Variants in SMPD3 observed in about 807,000 individuals in gnomAD.
SMPD3 encodes nSMase-2.
SMPD3 carries 21 observed loss-of-function variants against 55.7 expected under a neutral mutation model. The ratio of observed to expected loss-of-function variants is 0.38; its 90% confidence interval spans 0.27 to 0.54. SMPD3 has a LOEUF of 0.54. Ranked by LOEUF, SMPD3 falls within the 20% of genes least tolerant of loss-of-function variation. The probability of loss-of-function intolerance (pLI) is 0.80; values close to 1 mark genes in which losing one functional copy is unlikely to be tolerated. For missense variants in SMPD3, 842 were observed against 899.6 expected, an observed-to-expected ratio of 0.94 and a Z score of 0.82; for synonymous variants, 457 against 404.3, an observed-to-expected ratio of 1.13 and a Z score of -1.56.
intron 1 of SMPD3, among the ~76,000 whole-genome samples, chr16:68,442,880 G>A (rs1374367054): frequency 1.3e-5 from 2 of 152,208 alleles, no homozygotes; most frequent in Non-Finnish European, 2.9e-5. Context: ...GCGCCCTCGG[G>A]AAAAGCAGTA....
chr16:68,441,050 T>C (rs1360856361), intron 1 of SMPD3, among the ~76,000 whole-genome samples: 1 of 152,234 alleles, frequency 6.6e-6, no homozygotes, highest in African/African-American at 2.4e-5. Context: ...ATAAATCTTT[T>C]GCTTGATTTA....
chr16:68,405,667 T>C (rs2090249406), intron 1 of SMPD3, among the ~76,000 whole-genome samples: 1 of 152,034 alleles, frequency 6.6e-6, no homozygotes, highest in African/African-American at 2.4e-5. Context: ...AAATAGTGAC[T>C]TCTCGGTGTA....
chr16:68,423,560 C>T (rs1035000723), intron 1 of SMPD3, among the ~76,000 whole-genome samples: 8 of 152,166 alleles, frequency 5.3e-5, no homozygotes. Context: ...ACTTCCCAGC[C>T]TCCAGAACTG....
intron 2 of SMPD3, among the ~76,000 whole-genome samples, chr16:68,377,594 G>C (rs560253374): frequency 2.0e-5 from 3 of 152,300 alleles, no homozygotes; most frequent in South Asian, 2.1e-4. Context: ...GAGGGCTCAG[G>C]GGGCAGCTGA....
At chr16:68,438,155 C>T (rs1299891498) in intron 1 of SMPD3, among the ~76,000 whole-genome samples, 1 of 152,162 alleles carries the variant, frequency 6.6e-6, no homozygotes, top group Non-Finnish European at 1.5e-5. Flanking sequence ...CTTCTGCCTC[C>T]TCCCTCACAG....
Position 68,360,225 on chromosome 16 carries a change from G to A in SMPD3, c.*981C>T, listed in dbSNP as rs1025116881. ...TCCCGAACCAGAGAGGTGTCCCGTG[G>A]GGGAGAGGATTGGCAGAAAGAAGAG... is the stretch of plus-strand genomic sequence containing the variant. On this transcript the variant is annotated 3_prime_UTR_variant, in exon 9 of 9. Transcript: ENST00000219334. 6.6e-6 allele frequency: 1 copy of A among 152,546 alleles called. No homozygotes were observed. Among genetic ancestry groups the A allele is most frequent in the Non-Finnish European group, 1.5e-5 (1 of 68,068 alleles). The allele number at this position is 152,546 out of a possible 1,614,324, so 9.4% of individuals were successfully genotyped here. A position where few individuals can be genotyped will look rare whatever the true frequency, so the allele number is the denominator to read the frequency against.
At chr16:68,415,195 T>C (rs1411979845) in intron 1 of SMPD3, among the ~76,000 whole-genome samples, 1 of 151,954 alleles carries the variant, frequency 6.6e-6, no homozygotes, top group East Asian at 1.9e-4. Flanking sequence ...TAAAATCCCA[T>C]GGGGAGAGTT....
intron 1 of SMPD3, among the ~76,000 whole-genome samples, chr16:68,416,178 G>A (rs868121343): frequency 2.6e-5 from 4 of 152,216 alleles, no homozygotes; most frequent in African/African-American, 4.8e-5. Flanking sequence ...CACTGTGCCC[G>A]TAATCAGGTG....
chr16:68,363,970 C>T, intron 5 of SMPD3, 104 bp from the exon 6 acceptor site: 2 of 1,092,132 alleles, frequency 1.8e-6, no homozygotes, highest in Non-Finnish European at 2.6e-6. Context: ...CTGCCAGGCC[C>T]CCATCCCTTA....
chr16:68,379,211 G>A (rs761272538), intron 2 of SMPD3, among the ~76,000 whole-genome samples: 2 of 152,232 alleles, frequency 1.3e-5, no homozygotes, highest in Non-Finnish European at 2.9e-5. Flanking sequence ...AGAACCTGGT[G>A]CCTCTGGCCT....
At position 68,371,935 on chromosome 16, in the gene SMPD3, G is replaced by T. The variant is rs745785059; in HGVS notation, c.247C>A (p.Leu83Ile). 1.4e-5 allele frequency: 23 copies of T among 1,611,734 alleles called. No homozygotes were observed. The highest frequency in any genetic ancestry group is 1.9e-5 in the Non-Finnish European group (23 of 1,179,654). ...GCCGACTGCAGTGGGGACCAGAAGA[G>T]AAAGCCGAGAAACGCAAAGGGCAGC... Reference protein sequence around the residue: ...ASLPFAFLGFLFWSPLQSARR... With the variant: ...ASLPFAFLGFIFWSPLQSARR... Residue 83 changes from leucine (L) to isoleucine (I), a missense_variant, in exon 3 of 9, where the codon CTC becomes ATC. Around this residue, in one of 2 missense-constraint regions of SMPD3, gnomAD observed 193 missense variants for 256.0 expected, o/e 0.75. Coordinates refer to ENST00000219334, the MANE Select transcript of SMPD3 (RefSeq NM_018667.4).
intron 7 of SMPD3, 52 bp downstream of exon 7, chr16:68,363,444 T>C: frequency 6.2e-7 from 1 of 1,604,342 alleles, no homozygotes; most frequent in Admixed American, 1.7e-5. Flanking sequence ...AGTCCCTGTC[T>C]CCACCTTAGT....
At chr16:68,428,243 G>A (rs2090452385) in intron 1 of SMPD3, among the ~76,000 whole-genome samples, 1 of 152,180 alleles carries the variant, frequency 6.6e-6, no homozygotes, top group South Asian at 2.1e-4. Context: ...AGAAGATATG[G>A]CCATGGTAAA....
chr16:68,434,679 G>T (rs2090507607), intron 1 of SMPD3, among the ~76,000 whole-genome samples: 1 of 152,048 alleles, frequency 6.6e-6, no homozygotes, highest in Non-Finnish European at 1.5e-5. Context: ...TCTGACTTTT[G>T]AGCCATAGCT....
intron 1 of SMPD3, among the ~76,000 whole-genome samples, chr16:68,403,433 G>C (rs2090227999): frequency 6.6e-6 from 1 of 152,114 alleles, no homozygotes; most frequent in African/African-American, 2.4e-5. Flanking sequence ...ACCTGGCCTG[G>C]CCTCACCTCT....
intron 1 of SMPD3, among the ~76,000 whole-genome samples, chr16:68,395,259 G>A (rs924458249): frequency 6.6e-6 from 1 of 152,138 alleles, no homozygotes; most frequent in Non-Finnish European, 1.5e-5. Context: ...TTTTCCCTTT[G>A]TTGGGTGGCA....
chr16:68,362,069 G>A (rs1597581776), intron 7 of SMPD3, among the ~76,000 whole-genome samples: 1 of 152,200 alleles, frequency 6.6e-6, no homozygotes, highest in African/African-American at 2.4e-5. Flanking sequence ...CCCCAGAATG[G>A]GCTTCTGCCC....
intron 1 of SMPD3, among the ~76,000 whole-genome samples, chr16:68,427,756 G>GT (rs1179068178): frequency 6.6e-6 from 1 of 151,798 alleles, no homozygotes; most frequent in Non-Finnish European, 1.5e-5. Context: ...AATGACTGGG[G>GT]GGGGGTGCTG....
At chr16:68,385,936 T>TC (rs2090045899) in intron 2 of SMPD3, among the ~76,000 whole-genome samples, 1 of 100,772 alleles carries the variant, frequency 9.9e-6, no homozygotes, top group African/African-American at 4.1e-5. Flanking sequence ...AAAAATGTGA[T>TC]TTTTGGCTGG....
Sources: gnomAD v4.1 joint callset for allele counts (sites outside exome capture counted in the v4.1 genomes callset) on GRCh38, gnomAD v4.1.1 for gene constraint, gnomAD v4.1.1 regional missense constraint, MANE v1.5 for transcripts, NCBI Gene and HGNC (gene_info 2026-07-23, HGNC 2026-07-21) for gene names.